Variants in DMD observed in about 807,000 individuals in gnomAD.
The protein encoded by DMD is dystrophin.
In DMD, 63 loss-of-function variants were observed where a neutral mutation model predicts 330.1. The observed-to-expected ratio is 0.19, with a 90% CI of 0.16 to 0.24. DMD has a LOEUF of 0.24. DMD is among the 10% of genes least tolerant of loss of function. The probability of loss-of-function intolerance (pLI) is 1.00; values close to 1 mark genes in which losing one functional copy is unlikely to be tolerated. For synonymous variants in DMD, 1,223 were observed against 959.8 expected, an observed-to-expected ratio of 1.27 and a Z score of -5.07; for missense variants, 3,344 against 2,684.1, an observed-to-expected ratio of 1.25 and a Z score of -5.43.
chrX:31,289,877 A>T (rs1436585264), intron 62 of DMD, among the ~76,000 whole-genome samples: 1 of 99,840 alleles, frequency 1.0e-5, no homozygotes, highest in African/African-American at 3.7e-5. Context: ...TATCAAATAT[A>T]GTCACTTAGG....
intron 55 of DMD, among the ~76,000 whole-genome samples, chrX:31,577,504 T>C: frequency 8.9e-6 from 1 of 112,443 alleles, no homozygotes; most frequent in Non-Finnish European, 1.9e-5. Context: ...GTGTTAGCAC[T>C]GGACAATACT....
At chrX:32,676,701 T>C (rs2061994547) in intron 9 of DMD, among the ~76,000 whole-genome samples, 1 of 111,608 alleles carries the variant, frequency 9.0e-6, no homozygotes. Context: ...TCAGTTAACA[T>C]TCTCCATCCT....
chrX:31,257,611 G>A (rs2050092079), intron 63 of DMD, among the ~76,000 whole-genome samples: 1 of 110,303 alleles, frequency 9.1e-6, no homozygotes, highest in African/African-American at 3.3e-5. Flanking sequence ...TTGGAGAGGG[G>A]GAAAGGCAGT....
intron 47 of DMD, among the ~76,000 whole-genome samples, chrX:31,897,177 GT>G (rs1283857929): frequency 1.8e-5 from 2 of 110,507 alleles, no homozygotes; most frequent in East Asian, 5.7e-4. Flanking sequence ...GCGGTGTTTG[GT>G]TTTTTGTTCT....
At chrX:31,413,855 T>G (rs760583401) in intron 60 of DMD, among the ~76,000 whole-genome samples, 1 of 106,632 alleles carries the variant, frequency 9.4e-6, no homozygotes, top group African/African-American at 3.5e-5. Flanking sequence ...GCCAGTTAAG[T>G]TGGCAAAGTA....
At chrX:31,569,173 C>CTGTTT (rs1188196387) in intron 55 of DMD, among the ~76,000 whole-genome samples, 1 of 81,470 alleles carries the variant, frequency 1.2e-5, no homozygotes, top group African/African-American at 5.7e-5. Context: ...ACCCATTCTA[C>CTGTTT]TATTTTCTTT....
At chrX:32,748,858 A>C (rs1312175954) in intron 7 of DMD, among the ~76,000 whole-genome samples, 1 of 112,405 alleles carries the variant, frequency 8.9e-6, no homozygotes, top group Non-Finnish European at 1.9e-5. Flanking sequence ...ACTTCCTTAC[A>C]ATTGTTCACA....
At chrX:32,630,224 T>A (rs970133531) in intron 11 of DMD, among the ~76,000 whole-genome samples, 2 of 111,857 alleles carry the variant, frequency 1.8e-5, no homozygotes, top group Admixed American at 1.9e-4. Context: ...AATAAAAGTC[T>A]TTTCCTTCAG....
At chrX:31,821,449 C>A (rs969559815) in intron 49 of DMD, among the ~76,000 whole-genome samples, 1 of 112,155 alleles carries the variant, frequency 8.9e-6, no homozygotes, top group Non-Finnish European at 1.9e-5. Flanking sequence ...ACATAATAGA[C>A]CCTCAGATCA....
At chrX:32,045,351 T>G (rs750578555) in intron 44 of DMD, among the ~76,000 whole-genome samples, 188 of 105,877 alleles carry the variant, frequency 1.8e-3, no homozygotes, top group Middle Eastern at 4.7e-3. Context: ...GTTTTGTTTT[T>G]TTTTTTTTTA....
intron 11 of DMD, among the ~76,000 whole-genome samples, chrX:32,623,545 T>TG (rs1455315493): frequency 1.9e-5 from 2 of 106,676 alleles, no homozygotes; most frequent in Non-Finnish European, 3.9e-5. Context: ...TTTTTTTTTT[T>TG]GAGACAGGGT....
chrX:32,269,953 T>G (rs1363362069), intron 43 of DMD, among the ~76,000 whole-genome samples: 1 of 112,314 alleles, frequency 8.9e-6, no homozygotes, highest in Non-Finnish European at 1.9e-5. Context: ...AATGCTTTAT[T>G]ATGAGTATTG....
intron 9 of DMD, among the ~76,000 whole-genome samples, chrX:32,669,714 G>T (rs186346260): frequency 0.012 from 1,274 of 110,405 alleles, 2 homozygotes; most frequent in Non-Finnish European, 0.015. Flanking sequence ...GCCCTTTTTG[G>T]TTTTTTTTGG....
chrX:32,605,581 C>A (rs771619701), intron 12 of DMD, among the ~76,000 whole-genome samples: 47 of 108,737 alleles, frequency 4.3e-4, no homozygotes, highest in Middle Eastern at 4.8e-3. Context: ...AACAAACAAA[C>A]AAAAAAACAA....
chrX:32,789,539 A>G (rs1244542434), intron 7 of DMD, among the ~76,000 whole-genome samples: 1 of 112,006 alleles, frequency 8.9e-6, no homozygotes, highest in African/African-American at 3.2e-5. Flanking sequence ...TGTTGCCATA[A>G]AGCTTCCCCA....
intron 40 of DMD, chrX:32,342,773 G>A: frequency 2.9e-6 from 1 of 341,185 alleles, no homozygotes; most frequent in Non-Finnish European, 5.5e-6. Context: ...GAACACTGAT[G>A]TGTGAAGATG....
At chrX:33,110,690 A>C (rs767313824) in intron 1 of DMD, among the ~76,000 whole-genome samples, 2 of 111,291 alleles carry the variant, frequency 1.8e-5, no homozygotes, top group Non-Finnish European at 3.8e-5. Context: ...TTTTTTTCCT[A>C]TCATGGTTCA....
At chrX:31,664,781 C>A (rs1569198323) in intron 53 of DMD, among the ~76,000 whole-genome samples, 1 of 107,167 alleles carries the variant, frequency 9.3e-6, no homozygotes, top group Non-Finnish European at 1.9e-5. Flanking sequence ...TTATTGGCTC[C>A]CTCCCTCCAC....
At chrX:31,540,010 G>A (rs1030161726) in intron 55 of DMD, among the ~76,000 whole-genome samples, 5 of 111,869 alleles carry the variant, frequency 4.5e-5, no homozygotes, top group African/African-American at 1.6e-4. Context: ...ATTGCCACTC[G>A]GAAACAGAAT....
Sources: allele counts gnomAD v4.1 joint callset (sites outside exome capture counted in the v4.1 genomes callset), GRCh38; gene constraint gnomAD v4.1.1; transcripts MANE v1.5; gene names NCBI Gene and HGNC (gene_info 2026-07-23, HGNC 2026-07-21).